The following ABCA13 variants were observed in gnomAD, a reference collection of about 807,000 sequenced individuals.
ABCA13 encodes the protein ATP-binding cassette sub-family A member 13.
A neutral mutation model predicts 478.7 loss-of-function variants in ABCA13; 476 were observed. The ratio of observed to expected loss-of-function variants is 0.99; its 90% CI spans 0.92 to 1.07. The LOEUF (loss-of-function observed/expected upper bound fraction) is 1.07. Ranked by LOEUF, ABCA13 falls within the 50% of genes least tolerant of loss-of-function variation. The pLI, the probability that ABCA13 is intolerant of heterozygous loss-of-function variation, is 0.00. For missense variants in ABCA13, 6,060 were observed against 5,910.6 expected, an observed-to-expected ratio of 1.03 and a Z score of -0.83; for synonymous variants, 2,252 against 2,158.9, an observed-to-expected ratio of 1.04 and a Z score of -1.20.
chr7:48,317,342 A>G, intron 27 of ABCA13, 46 bp downstream of exon 27: 1 of 1,555,456 alleles, frequency 6.4e-7, no homozygotes, highest in Non-Finnish European at 8.7e-7. Context: ...CATACACTAA[A>G]TCAGGAAGGA....
intron 17 of ABCA13, 88 bp from the exon 18 acceptor site, chr7:48,278,006 A>C: frequency 4.6e-6 from 2 of 430,430 alleles, no homozygotes; most frequent in Non-Finnish European, 7.1e-6. Context: ...AAACAAATAA[A>C]ATAATATAAA....
intron 20 of ABCA13, among the ~76,000 whole-genome samples, chr7:48,293,749 G>GTT (rs142471930): frequency 6.6e-6 from 1 of 151,230 alleles, no homozygotes; most frequent in African/African-American, 2.4e-5. Context: ...ATTCTAAAAG[G>GTT]TTTTTTTTTG....
intron 56 of ABCA13, among the ~76,000 whole-genome samples, chr7:48,585,790 T>C (rs1789122194): frequency 6.6e-6 from 1 of 152,154 alleles, no homozygotes; most frequent in Non-Finnish European, 1.5e-5. Context: ...TATGATTATA[T>C]CTAAAAAATG....
intron 13 of ABCA13, among the ~76,000 whole-genome samples, chr7:48,246,823 G>A (rs12113721): frequency 0.21 from 31,997 of 152,102 alleles, 4,637 homozygotes; most frequent in African/African-American, 0.42. Context: ...GCAAACAACA[G>A]TGAGAGCCTT....
rs1785789912 is a variant in ABCA13 at position 48,212,328 on chromosome 7, G to T, written c.288-7026G>T. Among the ~76,000 whole-genome samples, 3 of 152,208 alleles carry T rather than the reference G, an allele frequency of 2.0e-5. No homozygotes were observed. In the South Asian group the frequency reaches 6.2e-4, roughly 32 times the overall value. ...CACTGCCTGGGATTGAGTGAGGAGA[G>T]GTAGGCAACGCAAGACTGTCCTTTC... On this transcript the variant is annotated intron_variant, in intron 3 of 61. Coordinates refer to ENST00000435803, the MANE Select transcript of ABCA13 (RefSeq NM_152701.5).
chr7:48,362,061 C>T (rs2129006037), intron 31 of ABCA13, among the ~76,000 whole-genome samples: 2 of 151,882 alleles, frequency 1.3e-5, no homozygotes, highest in Middle Eastern at 6.8e-3. Flanking sequence ...AATATATAAC[C>T]CACTTTTGTG....
rs1795384109 is a variant in ABCA13, at chr7:48,645,445, A to G, written c.15110A>G (p.Gln5037Arg). ...QVFINFASEQQQTLQSTLDPS... is the reference protein window; with the variant it reads ...QVFINFASEQRQTLQSTLDPS... The stretch of plus-strand genomic sequence containing the variant: ...TTTATTAATTTTGCTTCTGAGCAGC[A>G]GCAAACTCTACAATCTACTCTTGAT... The change falls in exon 62 of 62, where the codon CAG becomes CGG. Residue 5037 changes from glutamine to arginine, a missense_variant. By Grantham distance (43) the Gln-to-Arg change is conservative (BLOSUM62 1). Coordinates refer to ENST00000435803, the MANE Select transcript of ABCA13 (RefSeq NM_152701.5). 20 of 1,582,594 alleles carry G rather than the reference A, an allele frequency of 1.3e-5. No individual in the cohort carries two copies. The highest frequency in any genetic ancestry group is 1.7e-5 in the Non-Finnish European group (20 of 1,162,974).
intron 42 of ABCA13, among the ~76,000 whole-genome samples, chr7:48,443,302 T>A (rs1215121026): frequency 6.6e-6 from 1 of 152,164 alleles, no homozygotes; most frequent in Non-Finnish European, 1.5e-5. Context: ...ACATGGGCAA[T>A]GTGAGAGTTC....
intron 55 of ABCA13, among the ~76,000 whole-genome samples, chr7:48,538,378 G>A (rs1175077663): frequency 6.6e-6 from 1 of 151,876 alleles, no homozygotes; most frequent in Non-Finnish European, 1.5e-5. Flanking sequence ...TGGGATTACA[G>A]GTGTGAGCCA....
intron 55 of ABCA13, among the ~76,000 whole-genome samples, chr7:48,570,319 CTTTTTTTTTT>C (rs35693419): frequency 9.1e-5 from 8 of 88,216 alleles, no homozygotes; most frequent in South Asian, 4.0e-4. Flanking sequence ...TTTGCATCCT[CTTTTTTTTTT>C]TTTTTTTTTT....
chr7:48,511,161 G>T lies in ABCA13; in HGVS notation c.13602G>T (p.Lys4534Asn), dbSNP rs202160840. 1.7e-5 allele frequency: 27 copies of T among 1,613,338 alleles called. No homozygotes were observed. The highest frequency in any genetic ancestry group is 2.0e-5 in the Non-Finnish European group (24 of 1,179,614). ...AGTTAACAGCTTTTACTTTCCGCAAGAACTTGGCAGCCACGGCCCTCCTGC... is the reference window on the plus strand; with the variant it reads ...AGTTAACAGCTTTTACTTTCCGCAATAACTTGGCAGCCACGGCCCTCCTGC... ...AFQLTAFTFRKNLAATALLLS... is the reference protein window; with the variant it reads ...AFQLTAFTFRNNLAATALLLS... The change falls in exon 51 of 62, where the codon AAG becomes AAT. Residue 4534 changes from lysine to asparagine, a missense_variant. Lys to Asn is a moderately conservative substitution (Grantham distance 94, BLOSUM62 0). Around this residue, in one of 3 missense-constraint regions of ABCA13, gnomAD observed 1,627 missense variants for 1,571.0 expected, o/e 1.04. Transcript: ENST00000435803.
At chr7:48,494,900 A>T (rs1830144617) in intron 48 of ABCA13, among the ~76,000 whole-genome samples, 1 of 152,216 alleles carries the variant, frequency 6.6e-6, no homozygotes, top group Non-Finnish European at 1.5e-5. Context: ...AAGAACAAAC[A>T]TGCAGTATTC....
At chr7:48,411,025 TTCTTTCTTTCTTTCTTTCTTTCTTTTTC>T (rs1819011014) in intron 40 of ABCA13, among the ~76,000 whole-genome samples, 1 of 119,932 alleles carries the variant, frequency 8.3e-6, no homozygotes, top group Non-Finnish European at 1.8e-5. Context: ...CTTTCTTTCT[TTCTTTCTTTCTTTCTTTCTTTCTTTTTC>T]TTTCTTTCTT....
chr7:48,313,438 T>G (rs1431451553), intron 25 of ABCA13, among the ~76,000 whole-genome samples: 1 of 152,198 alleles, frequency 6.6e-6, no homozygotes. Flanking sequence ...AAACTGATAT[T>G]GTTGATCTAC....
chr7:48,594,954 C>A (rs1463478556), intron 58 of ABCA13, 141 bp downstream of exon 58: 1 of 722,884 alleles, frequency 1.4e-6, no homozygotes, highest in Non-Finnish European at 2.3e-6. Context: ...TTATTGTTAG[C>A]CCTCATTGTA....
intron 9 of ABCA13, among the ~76,000 whole-genome samples, chr7:48,240,626 G>A (rs1026668596): frequency 6.6e-6 from 1 of 151,742 alleles, no homozygotes; most frequent in Non-Finnish European, 1.5e-5. Context: ...CTCTTTTGGG[G>A]GAAAAAAGAG....
At chr7:48,399,966 A>G (rs1563188940) in intron 38 of ABCA13, among the ~76,000 whole-genome samples, 1 of 152,078 alleles carries the variant, frequency 6.6e-6, no homozygotes, top group Non-Finnish European at 1.5e-5. Context: ...ATGGTTTTCC[A>G]TGTATTTCAA....
intron 31 of ABCA13, among the ~76,000 whole-genome samples, chr7:48,367,409 A>G (rs1001618692): frequency 1.3e-5 from 2 of 152,212 alleles, no homozygotes; most frequent in Admixed American, 6.5e-5. Context: ...TATTTTGTAG[A>G]TGATAATCTG....
intron 3 of ABCA13, among the ~76,000 whole-genome samples, chr7:48,199,173 A>T (rs1379983352): frequency 1.3e-5 from 2 of 152,192 alleles, no homozygotes; most frequent in East Asian, 3.8e-4. Flanking sequence ...TTATTTTCCA[A>T]CTCTAAGTTA....
Sources: allele counts gnomAD v4.1 joint callset (sites outside exome capture counted in the v4.1 genomes callset), GRCh38; gene constraint gnomAD v4.1.1; regional missense constraint gnomAD v4.1.1; transcripts MANE v1.5; gene names NCBI Gene and HGNC (gene_info 2026-07-23, HGNC 2026-07-21).